The following LRRC28 variants were observed in gnomAD, a reference collection of about 807,000 sequenced individuals.
LRRC28 encodes the protein leucine-rich repeat-containing protein 28.
LRRC28 carries 39 observed loss-of-function variants against 45.7 expected under a neutral mutation model. The observed-to-expected ratio is 0.85, with a 90% confidence interval of 0.66 to 1.12. LRRC28 has a LOEUF of 1.12. Ranked by LOEUF, LRRC28 falls within the 50% of genes most tolerant of loss-of-function variation. The probability of loss-of-function intolerance (pLI) is 0.00; values close to 1 mark genes in which losing one functional copy is unlikely to be tolerated. For synonymous variants in LRRC28, 206 were observed against 178.8 expected (o/e 1.15, Z -1.22); for missense variants, 435 against 438.5 (o/e 0.99, Z 0.07).
In LRRC28 at chr15:99,361,448, G is replaced by A. The variant is rs752988790; in HGVS notation, c.808G>A (p.Val270Ile). 3.7e-5 allele frequency: 59 copies of A among 1,613,758 alleles called. No individual in the cohort carries two copies. Among genetic ancestry groups the A allele is most frequent in the South Asian group, 2.6e-4 (24 of 91,062 alleles). The part of the protein sequence containing the change: ...VKAIGTEHDH[V>I]LPLQELAMRG... The stretch of plus-strand genomic sequence containing the variant: ...GGCCATAGGGACGGAGCATGATCAC[G>A]TCCTCCCTCTGCAGGAATTGGCTAT... The change falls in exon 8 of 10, where the codon GTC (valine) becomes ATC (isoleucine). Residue 270 changes from valine (V) to isoleucine (I), a missense_variant. Transcript: ENST00000301981.
chr15:99,277,442 G>A (rs2081648472), intron 3 of LRRC28, among the ~76,000 whole-genome samples: 1 of 151,730 alleles, frequency 6.6e-6, no homozygotes, highest in African/African-American at 2.4e-5. Flanking sequence ...TTTTCTACCT[G>A]TCTCCTACCC....
intron 5 of LRRC28, among the ~76,000 whole-genome samples, chr15:99,296,593 C>T (rs1475079452): frequency 6.6e-6 from 1 of 152,140 alleles, no homozygotes; most frequent in Non-Finnish European, 1.5e-5. Context: ...CTGGTGTCAC[C>T]AGGCTGTATA....
intron 5 of LRRC28, among the ~76,000 whole-genome samples, chr15:99,313,245 T>C (rs1463609325): frequency 6.6e-6 from 1 of 152,098 alleles, no homozygotes; most frequent in African/African-American, 2.4e-5. Flanking sequence ...GAATTATAAA[T>C]GTAGATGCAC....
intron 5 of LRRC28, among the ~76,000 whole-genome samples, chr15:99,308,097 A>C (rs1481303245): frequency 1.3e-5 from 2 of 152,212 alleles, no homozygotes; most frequent in African/African-American, 4.8e-5. Context: ...GGTGAGAAGC[A>C]GTTGGATTTT....
intron 7 of LRRC28, 109 bp downstream of exon 7, chr15:99,352,580 A>T: frequency 2.5e-6 from 2 of 789,162 alleles, no homozygotes; most frequent in Non-Finnish European, 4.1e-6. Context: ...TATCCTTAGA[A>T]ACTAAGGATA....
At chr15:99,255,673 A>G (rs922522026) in intron 1 of LRRC28, among the ~76,000 whole-genome samples, 4 of 152,162 alleles carry the variant, frequency 2.6e-5, no homozygotes, top group Non-Finnish European at 5.9e-5. Context: ...ACTATTTCTA[A>G]TAAGTAATAA....
rs1958147377 is a variant in LRRC28 at position 99,390,304 on chromosome 15, G to A, written c.*4202G>A. On this transcript the variant is annotated 3_prime_UTR_variant, in exon 10 of 10. Coordinates refer to ENST00000301981, the MANE Select transcript of LRRC28 (RefSeq NM_144598.5). ...CCTTTGAAGTATGACTGTATGTGTG[G>A]TCCCCTTGTACTTTGGAGACAGAAG... 1 of 152,250 alleles carries A rather than the reference G, an allele frequency of 6.6e-6. No individual in the cohort carries two copies. The highest frequency in any genetic ancestry group is 2.4e-5 in the African/African-American group (1 of 41,452). The allele number at this position is 152,250 out of a possible 1,614,324, so 9.4% of individuals were successfully genotyped here. A position where few individuals can be genotyped will look rare whatever the true frequency, so the allele number is the denominator to read the frequency against.
At chr15:99,383,223 C>A (rs1393822816) in intron 9 of LRRC28, among the ~76,000 whole-genome samples, 1 of 152,106 alleles carries the variant, frequency 6.6e-6, no homozygotes, top group African/African-American at 2.4e-5. Flanking sequence ...TTACTTGGAG[C>A]CAATTGCATC....
At chr15:99,359,378 A>G (rs62023854) in intron 7 of LRRC28, among the ~76,000 whole-genome samples, 23,615 of 152,202 alleles carry the variant, frequency 0.16, 1,873 homozygotes, top group African/African-American at 0.17. Context: ...AGAAAATGAG[A>G]TAAGGGATGG....
chr15:99,279,334 A>G (rs2081713539), intron 3 of LRRC28, among the ~76,000 whole-genome samples: 1 of 152,192 alleles, frequency 6.6e-6, no homozygotes, highest in Admixed American at 6.5e-5. Context: ...CCACATTTTG[A>G]AAGCTTTTCC....
intron 6 of LRRC28, among the ~76,000 whole-genome samples, chr15:99,346,554 A>C (rs1173679375): frequency 6.6e-6 from 1 of 152,256 alleles, no homozygotes; most frequent in Non-Finnish European, 1.5e-5. Flanking sequence ...TTGAAGCCTA[A>C]GGCAAAAGGA....
At chr15:99,366,754 A>G (rs892239948) in intron 9 of LRRC28, among the ~76,000 whole-genome samples, 3 of 152,082 alleles carry the variant, frequency 2.0e-5, no homozygotes, top group African/African-American at 7.2e-5. Context: ...CAACATATGA[A>G]TTTAGGAAGG....
intron 5 of LRRC28, among the ~76,000 whole-genome samples, chr15:99,290,368 T>A (rs188739015): frequency 3.3e-5 from 5 of 152,304 alleles, no homozygotes; most frequent in Admixed American, 3.3e-4. Context: ...TAACTATAGT[T>A]AATATAAAAA....
At position 99,356,576 on chromosome 15, in the gene LRRC28, A is replaced by T. The variant is rs571153474; in HGVS notation, c.695+4105A>T. Among the ~76,000 whole-genome samples, 4 of 152,204 alleles carry T rather than the reference A, an allele frequency of 2.6e-5. No individual in the cohort carries two copies. The South Asian group carries it at 8.3e-4, about 32-fold the overall frequency. ...TAGCCAATATAAAAGAATCTTATGC[A>T]TGTATAATTGGCATCCTTGAAGGAA... On this transcript the variant is annotated intron_variant, in intron 7 of 9. Transcript: ENST00000301981.
Position 99,334,723 on chromosome 15 carries a change from A to G in LRRC28, c.592+594A>G, listed in dbSNP as rs899793916. 1.2e-4 allele frequency among the ~76,000 whole-genome samples: 19 copies of G among 152,286 alleles called. No homozygotes were observed. In the East Asian group the frequency reaches 3.5e-3, roughly 28 times the overall value. On this transcript the variant is annotated intron_variant, in intron 6 of 9. Coordinates refer to ENST00000301981, the MANE Select transcript of LRRC28 (RefSeq NM_144598.5). ...ACATAGGCCTTGAATAAAACAGTAC[A>G]TTTATTTTATAGATAGCTGAATAAT...
chr15:99,260,881 A>G (rs2081177955), intron 2 of LRRC28, among the ~76,000 whole-genome samples: 1 of 152,166 alleles, frequency 6.6e-6, no homozygotes, highest in Non-Finnish European at 1.5e-5. Flanking sequence ...GGAATCTGTC[A>G]GTCACTTCCA....
chr15:99,290,068 G>A (rs1205077863), intron 5 of LRRC28, among the ~76,000 whole-genome samples: 1 of 151,520 alleles, frequency 6.6e-6, no homozygotes, highest in Non-Finnish European at 1.5e-5. Flanking sequence ...GACCAGCCTG[G>A]CTAACATGGT....
At chr15:99,385,271 A>G (rs890474252) in intron 9 of LRRC28, among the ~76,000 whole-genome samples, 8 of 152,212 alleles carry the variant, frequency 5.3e-5, no homozygotes, top group African/African-American at 1.9e-4. Flanking sequence ...AAGTCTACAG[A>G]GGTCCCCTTC....
At position 99,387,219 on chromosome 15, in the gene LRRC28, C is replaced by T. The variant is rs1400343772; in HGVS notation, c.*1117C>T. The stretch of plus-strand genomic sequence containing the variant: ...GGGACCACAGGCGCCCGCCACCACG[C>T]CCGGCTAATTTTTTGTATTTTTAGT... On this transcript the variant is annotated 3_prime_UTR_variant, in exon 10 of 10. Transcript: ENST00000301981. 4.8e-5 allele frequency: 7 copies of T among 147,264 alleles called. No homozygotes were observed. Among genetic ancestry groups the T allele is most frequent in the East Asian group, 4.1e-4 (2 of 4,916 alleles). The allele number at this position is 147,264 out of a possible 1,614,324, so 9.1% of individuals were successfully genotyped here.
Sources: gnomAD v4.1 joint callset for allele counts (sites outside exome capture counted in the v4.1 genomes callset) on GRCh38, gnomAD v4.1.1 for gene constraint, MANE v1.5 for transcripts, NCBI Gene and HGNC (gene_info 2026-07-23, HGNC 2026-07-21) for gene names.